The following YAP1 variants were observed in gnomAD, a reference collection of about 807,000 sequenced individuals.
YAP1 encodes the protein transcriptional coactivator YAP1.
Under a neutral mutation model 56.9 loss-of-function variants are expected in YAP1, and 5 were observed. The ratio of observed to expected loss-of-function variants is 0.09; its 90% CI spans 0.05 to 0.18. The LOEUF (loss-of-function observed/expected upper bound fraction) is 0.18. YAP1 is among the 10% of genes least tolerant of loss of function. The probability of loss-of-function intolerance (pLI) is 1.00; values close to 1 mark genes in which losing one functional copy is unlikely to be tolerated. For synonymous variants in YAP1, 265 were observed against 248.1 expected, an observed-to-expected ratio of 1.07 and a Z score of -0.64; for missense variants, 539 against 651.8, an observed-to-expected ratio of 0.83 and a Z score of 1.88.
chr11:102,223,684 G>A lies in YAP1; in HGVS notation c.1095G>A (p.Val365=), dbSNP rs1328535935. The A allele has an allele frequency of 1.2e-6, 2 of 1,614,148 alleles. No individual in the cohort carries two copies. The highest frequency in any genetic ancestry group is 2.2e-5 in the East Asian group (1 of 44,864). ...AGGATGGTGGGACTCAAAATCCAGTGTCTTCTCCCGGGATGTCTCAGGAAT... is the reference window on the plus strand; with the variant it reads ...AGGATGGTGGGACTCAAAATCCAGTATCTTCTCCCGGGATGTCTCAGGAAT... ...LEQDGGTQNP[V]SSPGMSQELR... is the part of the protein sequence containing the mutation. Residue 365 remains valine, a synonymous_variant, in exon 7 of 9, where the codon GTG becomes GTA. Transcript: ENST00000282441.
chr11:102,129,498 A>G (rs1004467091), intron 2 of YAP1, among the ~76,000 whole-genome samples: 16 of 151,774 alleles, frequency 1.1e-4, no homozygotes, highest in African/African-American at 3.6e-4. Context: ...GGTGCCTGTA[A>G]TCCCAGCTGC....
At chr11:102,212,549 T>C (rs2135637771) in intron 6 of YAP1, among the ~76,000 whole-genome samples, 1 of 151,928 alleles carries the variant, frequency 6.6e-6, no homozygotes, top group East Asian at 1.9e-4. Context: ...AATTCATCCT[T>C]ACAGAGCTTA....
At position 102,114,203 on chromosome 11, in the gene YAP1, C is replaced by T; in HGVS notation, c.381C>T (p.Ser127=). Residue 127 remains serine (S), a synonymous_variant, in exon 2 of 9, where the codon TCC becomes TCT. Coordinates refer to ENST00000282441, the MANE Select transcript of YAP1 (RefSeq NM_001130145.3). The part of the protein sequence containing the change: ...ALTPQHVRAH[S]SPASLQLGAV... ...CTCCACAGCATGTTCGAGCTCATTC[C>T]TCTCCAGCTTCTCTGCAGTTGGGAG... The T allele has an allele frequency of 1.2e-6, 2 of 1,614,028 alleles. No homozygotes were observed. The highest frequency in any genetic ancestry group is 2.2e-5 in the South Asian group (2 of 91,078).
At chr11:102,169,234 G>A (rs921092467) in intron 3 of YAP1, among the ~76,000 whole-genome samples, 5 of 152,184 alleles carry the variant, frequency 3.3e-5, no homozygotes, top group African/African-American at 1.2e-4. Flanking sequence ...TATTAATAGT[G>A]TACAGTGCCT....
In YAP1 at chr11:102,111,024, G is replaced by C; in HGVS notation, c.176G>C (p.Gly59Ala). 6.2e-7 allele frequency: 1 copy of C among 1,609,204 alleles called. No individual in the cohort carries two copies. Among genetic ancestry groups the C allele is most frequent in the Non-Finnish European group, 8.5e-7 (1 of 1,178,330 alleles). Residue 59 changes from glycine to alanine, a missense_variant, in exon 1 of 9, where the codon GGG becomes GCG. Physicochemically the swap from Gly to Ala is moderately conservative, Grantham distance 60 (BLOSUM62 0). Around this residue, in one of 4 missense-constraint regions of YAP1, gnomAD observed 7 missense variants for 21.6 expected, o/e 0.32. Coordinates refer to ENST00000282441, the MANE Select transcript of YAP1 (RefSeq NM_001130145.3). The part of the protein sequence containing the change: ...PAGHQIVHVR[G>A]DSETDLEALF... ...GGGCATCAGATCGTGCACGTCCGCG[G>C]GGACTCGGAGACCGACCTGGAGGCG...
chr11:102,229,643 T>TA, intron 8 of YAP1, 59 bp from the exon 9 acceptor site: 1 of 1,512,042 alleles, frequency 6.6e-7, no homozygotes, highest in Non-Finnish European at 9.1e-7. Flanking sequence ...GCTCATATGA[T>TA]ACAGCCCTGA....
intron 4 of YAP1, among the ~76,000 whole-genome samples, chr11:102,193,729 G>A (rs1351912145): frequency 1.3e-5 from 2 of 152,022 alleles, no homozygotes; most frequent in Non-Finnish European, 1.5e-5. Context: ...GACCAGCAAC[G>A]TCAATTAGAT....
intron 7 of YAP1, 115 bp from the exon 8 acceptor site, chr11:102,227,354 G>A: frequency 1.4e-6 from 1 of 730,130 alleles, no homozygotes; most frequent in South Asian, 1.7e-5. Flanking sequence ...TGCAGGACAG[G>A]AATTTTCACT....
intron 3 of YAP1, 51 bp from the exon 4 acceptor site, chr11:102,185,967 T>C: frequency 1.1e-5 from 17 of 1,505,652 alleles, no homozygotes; most frequent in Non-Finnish European, 1.5e-5. Context: ...CACTTTTTTT[T>C]AGGTGCACCA....
intron 3 of YAP1, among the ~76,000 whole-genome samples, chr11:102,178,118 A>T (rs941216493): frequency 1.3e-5 from 2 of 152,180 alleles, no homozygotes; most frequent in Non-Finnish European, 2.9e-5. Flanking sequence ...TAAGTGACTT[A>T]ACATTTGCTT....
chr11:102,221,292 C>T (rs1471892503), intron 6 of YAP1, among the ~76,000 whole-genome samples: 1 of 152,092 alleles, frequency 6.6e-6, no homozygotes, highest in Non-Finnish European at 1.5e-5. Flanking sequence ...GGCCAAGTCC[C>T]TAGGTTCCCT....
chr11:102,127,533 A>G (rs572021155), intron 2 of YAP1, among the ~76,000 whole-genome samples: 1 of 152,344 alleles, frequency 6.6e-6, no homozygotes, highest in East Asian at 1.9e-4. Context: ...TTTCAGATGC[A>G]TGGAAATGCC....
At chr11:102,164,687 G>A (rs939687872) in intron 3 of YAP1, among the ~76,000 whole-genome samples, 1 of 152,084 alleles carries the variant, frequency 6.6e-6, no homozygotes, top group Non-Finnish European at 1.5e-5. Flanking sequence ...TATGCTTTAA[G>A]TCAAAGGTAT....
Position 102,212,561 on chromosome 11 carries a change from CTTTTTATTTTTA to C in YAP1, c.1032+3026_1032+3037del, listed in dbSNP as rs57754436. Among the ~76,000 whole-genome samples, 71 of 149,176 alleles carry C rather than the reference CTTTTTATTTTTA, an allele frequency of 4.8e-4. 1 individual carries two copies. The highest frequency in any genetic ancestry group is 1.9e-3 in the South Asian group (9 of 4,678). The stretch of plus-strand genomic sequence containing the variant: ...AAAAATTCATCCTTACAGAGCTTAA[CTTTTTATTTTTA>C]TTTTTATTTTTATTTTTATTTTTAT... On this transcript the variant is annotated intron_variant, in intron 6 of 8. Coordinates refer to ENST00000282441, the MANE Select transcript of YAP1 (RefSeq NM_001130145.3).
At chr11:102,224,804 A>C (rs554109967) in intron 7 of YAP1, among the ~76,000 whole-genome samples, 43 of 152,340 alleles carry the variant, frequency 2.8e-4, no homozygotes, top group Non-Finnish European at 3.7e-4. Context: ...TATTTATATA[A>C]GATTATAGTT....
At position 102,119,070 on chromosome 11, in the gene YAP1, C is replaced by G. The variant is rs575572995; in HGVS notation, c.572+4676C>G. On this transcript the variant is annotated intron_variant, in intron 2 of 8. Coordinates refer to ENST00000282441, the MANE Select transcript of YAP1 (RefSeq NM_001130145.3). ...TTTCCCTATTTGAGGGAAGGCCAGT[C>G]TCTGCTTGTTTGTCTTGCTATTGAG... is the stretch of plus-strand genomic sequence containing the variant. Among the ~76,000 whole-genome samples, 3 of 151,674 alleles carry G rather than the reference C, an allele frequency of 2.0e-5. No homozygotes were observed. The South Asian group carries it at 6.3e-4, about 32-fold the overall frequency.
chr11:102,118,244 A>C (rs182493646), intron 2 of YAP1, among the ~76,000 whole-genome samples: 3 of 152,318 alleles, frequency 2.0e-5, no homozygotes, highest in Non-Finnish European at 4.4e-5. Flanking sequence ...TCATTTTCTG[A>C]ATAACTGGCC....
intron 3 of YAP1, among the ~76,000 whole-genome samples, chr11:102,174,024 G>A (rs183743258): frequency 9.9e-5 from 15 of 152,178 alleles, no homozygotes; most frequent in African/African-American, 3.1e-4. Flanking sequence ...TTATTCAGTG[G>A]GTCTGATTTA....
chr11:102,139,135 A>G (rs1161392829), intron 2 of YAP1, among the ~76,000 whole-genome samples: 1 of 151,604 alleles, frequency 6.6e-6, no homozygotes, highest in Non-Finnish European at 1.5e-5. Context: ...CCAAAAGTTG[A>G]TTTTAAACAG....
Sources: allele counts gnomAD v4.1 joint callset (sites outside exome capture counted in the v4.1 genomes callset), GRCh38; gene constraint gnomAD v4.1.1; regional missense constraint gnomAD v4.1.1; transcripts MANE v1.5; gene names NCBI Gene and HGNC (gene_info 2026-07-23, HGNC 2026-07-21).